KLHL8: variants seen among roughly 807,000 people sequenced by gnomAD.
KLHL8 encodes kelch-like protein 8.
KLHL8 carries 38 observed loss-of-function variants against 63.5 expected under a neutral mutation model. The observed-to-expected ratio is 0.60, with a 90% CI of 0.46 to 0.78. KLHL8 has a LOEUF of 0.78. Among genes scored for constraint, KLHL8 ranks in the 30% least tolerant of loss-of-function variants. The pLI is 0.00. For synonymous variants in KLHL8, 224 were observed against 254.3 expected, an observed-to-expected ratio of 0.88 and a Z score of 1.13; for missense variants, 566 against 752.4, an observed-to-expected ratio of 0.75 and a Z score of 2.90.
intron 4 of KLHL8, among the ~76,000 whole-genome samples, chr4:87,181,243 A>G (rs1207239971): frequency 6.6e-6 from 1 of 151,484 alleles, no homozygotes; most frequent in Non-Finnish European, 1.5e-5. Flanking sequence ...CCTAGCCAAC[A>G]TGGTGAAACC....
chr4:87,163,981 C>T lies in KLHL8; in HGVS notation c.1636G>A (p.Gly546Arg). 1 of 1,614,164 alleles carries T rather than the reference C, an allele frequency of 6.2e-7. No homozygotes were observed. Among genetic ancestry groups the T allele is most frequent in the Non-Finnish European group, 8.5e-7 (1 of 1,180,002 alleles). The change falls in exon 9 of 10, where the codon GGA (glycine) becomes AGA (arginine). Residue 546 changes from glycine to arginine, a missense_variant. Physicochemically the swap from Gly to Arg is moderately radical, Grantham distance 125. Transcript: ENST00000273963. ...YVAALTTPRG[G>R]VGIATVMGKI... ...CCCATCACTGTTGCGATTCCCACTC[C>T]ACCTCTGGGAGTAGTAAGTGCTGCC...
intron 6 of KLHL8, among the ~76,000 whole-genome samples, chr4:87,172,190 T>C (rs1042926580): frequency 1.3e-5 from 2 of 152,156 alleles, no homozygotes; most frequent in Non-Finnish European, 1.5e-5. Flanking sequence ...CAGTGTGCCA[T>C]TGCTTGTTTG....
chr4:87,167,473 A>G (rs966886365), intron 8 of KLHL8: 3 of 514,260 alleles, frequency 5.8e-6, no homozygotes, highest in African/African-American at 3.9e-5. Context: ...GCCAATTTTC[A>G]TAAGGAAAGA....
upstream of KLHL8, chr4:87,220,972 T>A (rs1732821951): frequency 6.6e-6 from 1 of 152,220 alleles, no homozygotes; most frequent in Non-Finnish European, 1.5e-5. Flanking sequence ...AAAAAAGGTT[T>A]GCATTTATTC....
At chr4:87,193,663 C>G (rs1463608210) in intron 2 of KLHL8, among the ~76,000 whole-genome samples, 2 of 152,050 alleles carry the variant, frequency 1.3e-5, no homozygotes, top group Non-Finnish European at 2.9e-5. Context: ...CTATATATAA[C>G]CATGTGTTAT....
intron 6 of KLHL8, among the ~76,000 whole-genome samples, chr4:87,170,883 C>T (rs1381160930): frequency 1.3e-5 from 2 of 152,028 alleles, no homozygotes; most frequent in African/African-American, 4.8e-5. Flanking sequence ...AAATATAACC[C>T]AACAAAATAG....
intron 6 of KLHL8, among the ~76,000 whole-genome samples, chr4:87,171,586 T>C (rs1347764345): frequency 6.6e-6 from 1 of 152,220 alleles, no homozygotes; most frequent in East Asian, 1.9e-4. Flanking sequence ...AACAAGTACA[T>C]GTGTTCTCTA....
At chr4:87,214,368 T>C (rs1335976378) in intron 1 of KLHL8, among the ~76,000 whole-genome samples, 2 of 136,762 alleles carry the variant, frequency 1.5e-5, no homozygotes, top group Non-Finnish European at 3.2e-5. Flanking sequence ...ATCAACCTCA[T>C]AGGATTGCTA....
At position 87,163,917 on chromosome 4, in the gene KLHL8, T is replaced by C; in HGVS notation, c.1700A>G (p.Tyr567Cys). 6.2e-7 allele frequency: 1 copy of C among 1,614,130 alleles called. No individual in the cohort carries two copies. The highest frequency in any genetic ancestry group is 8.5e-7 in the Non-Finnish European group (1 of 1,180,000). The stretch of plus-strand genomic sequence containing the variant: ...ATCAAACGCTTCTACTGTATTTAAG[T>C]ATGCATTGCCATTATGACCACCAAC... ...FAVGGHNGNAYLNTVEAFDPV... is the reference protein window; with the variant it reads ...FAVGGHNGNACLNTVEAFDPV... The change falls in exon 9 of 10, where the codon TAC becomes TGC. Residue 567 changes from tyrosine to cysteine, a missense_variant. Transcript: ENST00000273963.
chr4:87,237,236 A>G (rs1357185544), intron 1 of KLHL8, among the ~76,000 whole-genome samples: 1 of 152,206 alleles, frequency 6.6e-6, no homozygotes, highest in Non-Finnish European at 1.5e-5. Flanking sequence ...TAACAGCAAT[A>G]AAACACGGAA....
chr4:87,171,375 G>A (rs776542396), intron 6 of KLHL8, among the ~76,000 whole-genome samples: 4 of 152,122 alleles, frequency 2.6e-5, no homozygotes, highest in Non-Finnish European at 5.9e-5. Context: ...TTAGTTCTAT[G>A]AAGTATTAGC....
intron 1 of KLHL8, among the ~76,000 whole-genome samples, chr4:87,217,125 G>A (rs1383269230): frequency 2.6e-5 from 4 of 151,946 alleles, no homozygotes; most frequent in Non-Finnish European, 5.9e-5. Context: ...TTTAAAAATA[G>A]ACTAATGGGT....
At chr4:87,192,038 A>T (rs1731515578) in intron 2 of KLHL8, among the ~76,000 whole-genome samples, 2 of 152,194 alleles carry the variant, frequency 1.3e-5, no homozygotes, top group Non-Finnish European at 2.9e-5. Flanking sequence ...CTGATTCCAT[A>T]TCTTTGCTAT....
chr4:87,225,707 A>C lies in KLHL8; in HGVS notation n.58-4317T>G, dbSNP rs547513765. Among the ~76,000 whole-genome samples, 273 of 152,274 alleles carry C rather than the reference A, an allele frequency of 1.8e-3. 2 individuals carry two copies. Among genetic ancestry groups the C allele is most frequent in the African/African-American group, 6.2e-3 (259 of 41,556 alleles). On this transcript the variant is annotated intron_variant and non_coding_transcript_variant, in intron 1 of 1. Transcript: ENST00000506274. ...ATTGTTTCCACTGAATATCTATTTT[A>C]GGTAGTTTGGGGGTGGGTCTGTGGG...
chr4:87,164,945 G>T (rs533164077), intron 8 of KLHL8, among the ~76,000 whole-genome samples: 6 of 151,846 alleles, frequency 4.0e-5, no homozygotes, highest in Non-Finnish European at 7.4e-5. Context: ...TCAGGAGATC[G>T]AGACCATCCT....
chr4:87,160,763 TAAAC>T lies in KLHL8; in HGVS notation c.*2752_*2755del, dbSNP rs1333613677. 9 of 152,112 alleles carry T rather than the reference TAAAC, an allele frequency of 5.9e-5. No individual in the cohort carries two copies. The South Asian group carries it at 8.3e-4, about 14-fold the overall frequency. The allele number at this position is 152,112 out of a possible 1,614,324, so 9.4% of individuals were successfully genotyped here. A position where few individuals can be genotyped will look rare whatever the true frequency, so the allele number is the denominator to read the frequency against. On this transcript the variant is annotated 3_prime_UTR_variant, in exon 10 of 10. Coordinates refer to ENST00000273963, the MANE Select transcript of KLHL8 (RefSeq NM_020803.5). Reference sequence around the variant, plus strand: ...CTAGAAATATTTATTGAAGAAATAATAAACAAATTTTCATGATTTATTTTGTCCA... The same window carrying T: ...CTAGAAATATTTATTGAAGAAATAATAAATTTTCATGATTTATTTTGTCCA...
intron 1 of KLHL8, among the ~76,000 whole-genome samples, chr4:87,239,253 A>G (rs151026176): frequency 6.6e-6 from 1 of 152,340 alleles, no homozygotes; most frequent in East Asian, 1.9e-4. Context: ...AAGATATAGT[A>G]GGTGCGCAGT....
chr4:87,191,710 A>C (rs1358811989), intron 2 of KLHL8, among the ~76,000 whole-genome samples: 13 of 152,210 alleles, frequency 8.5e-5, no homozygotes, highest in Non-Finnish European at 2.9e-5. Context: ...GGTAGTGAGC[A>C]TAATACACAA....
In KLHL8 at chr4:87,193,823, C is replaced by T. The variant is rs532734700; in HGVS notation, c.216+1501G>A. 2.0e-5 allele frequency among the ~76,000 whole-genome samples: 3 copies of T among 152,256 alleles called. No individual in the cohort carries two copies. The South Asian group carries it at 6.2e-4, about 32-fold the overall frequency. On this transcript the variant is annotated intron_variant, in intron 2 of 9. Transcript: ENST00000273963. ...GCTCCATTCTAATCTTATGGGACCA[C>T]CACTGTATATGGGGTCCATCGTTGA...
Sources: gnomAD v4.1 joint callset for allele counts (sites outside exome capture counted in the v4.1 genomes callset) on GRCh38, gnomAD v4.1.1 for gene constraint, MANE v1.5 for transcripts, NCBI Gene and HGNC (gene_info 2026-07-23, HGNC 2026-07-21) for gene names.